PRKN: variants seen among roughly 807,000 people sequenced by gnomAD.
The protein encoded by PRKN is E3 ubiquitin-protein ligase parkin.
Under a neutral mutation model 59.5 loss-of-function variants are expected in PRKN, and 56 were observed. The observed-to-expected ratio is 0.94, with a 90% CI of 0.76 to 1.18. The LOEUF (loss-of-function observed/expected upper bound fraction) is 1.18. Ranked by LOEUF, PRKN falls within the 50% of genes most tolerant of loss-of-function variation. The probability of loss-of-function intolerance (pLI) is 0.00; values close to 1 mark genes in which losing one functional copy is unlikely to be tolerated. For synonymous variants in PRKN, 250 were observed against 222.1 expected (o/e 1.13, Z -1.12); for missense variants, 657 against 596.4 (o/e 1.10, Z -1.06).
At chr6:162,414,710 C>T (rs67567168) in intron 2 of PRKN, among the ~76,000 whole-genome samples, 2 of 101,966 alleles carry the variant, frequency 2.0e-5, no homozygotes, top group African/African-American at 7.4e-5. Context: ...GACTCCGTCT[C>T]AAAAAAAAAA....
chr6:162,047,047 C>T, intron 5 of PRKN, among the ~76,000 whole-genome samples: 1 of 152,150 alleles, frequency 6.6e-6, no homozygotes, highest in South Asian at 2.1e-4. Flanking sequence ...AATTGCATGT[C>T]AGACAACAGA....
intron 7 of PRKN, among the ~76,000 whole-genome samples, chr6:161,619,240 TAAAAAAAA>T (rs67512352): frequency 1.0e-5 from 1 of 99,554 alleles, no homozygotes. Flanking sequence ...CTGTCTTCAT[TAAAAAAAA>T]AAAAAAAAAA....
intron 1 of PRKN, among the ~76,000 whole-genome samples, chr6:162,634,029 C>T (rs1777617300): frequency 6.6e-6 from 1 of 152,094 alleles, no homozygotes; most frequent in South Asian, 2.1e-4. Flanking sequence ...CAAAACTAAC[C>T]AGCATTTTAC....
chr6:162,087,957 C>G (rs1018367207), intron 4 of PRKN, among the ~76,000 whole-genome samples: 1 of 152,146 alleles, frequency 6.6e-6, no homozygotes, highest in African/African-American at 2.4e-5. Flanking sequence ...GCTTCCTAAA[C>G]GCAGGAGCAC....
Position 161,357,048 on chromosome 6 carries a change from CT to C in PRKN, c.1285+3039del, listed in dbSNP as rs35219002. On this transcript the variant is annotated intron_variant, in intron 11 of 11. Transcript: ENST00000366898. The surrounding 1 kb of genome is among the most constrained non-coding windows in gnomAD (Gnocchi z 5.5). ...CAGGTCCAGGTTCGCTGACCACTTC[CT>C]TTTTTTTTTTTTTTTTTTTTGAGAC... Among the ~76,000 whole-genome samples the C allele has an allele frequency of 0.014, 1,640 of 115,538 alleles. 7 individuals are homozygous for C. The highest frequency in any genetic ancestry group is 0.036 in the African/African-American group (1,035 of 28,974). The allele number at this position is 115,538 out of a possible 152,430, so 75.8% of individuals were successfully genotyped here.
chr6:161,791,331 A>T (rs1248840524), intron 6 of PRKN, among the ~76,000 whole-genome samples: 1 of 152,272 alleles, frequency 6.6e-6, no homozygotes, highest in Admixed American at 6.5e-5. Flanking sequence ...ACATTAAAAA[A>T]GTAGAATATG....
At chr6:161,536,074 T>C (rs1404201545) in intron 9 of PRKN, among the ~76,000 whole-genome samples, 3 of 152,204 alleles carry the variant, frequency 2.0e-5, no homozygotes, top group Admixed American at 1.3e-4. Flanking sequence ...CTTCTTTTTT[T>C]TCCCCAATAT....
chr6:162,353,079 C>A (rs1784691015), intron 2 of PRKN, among the ~76,000 whole-genome samples: 1 of 152,150 alleles, frequency 6.6e-6, no homozygotes, highest in Non-Finnish European at 1.5e-5. Context: ...CCAATGTCCA[C>A]TGCAAATGTT....
At chr6:162,115,388 T>C (rs1780625233) in intron 4 of PRKN, among the ~76,000 whole-genome samples, 1 of 152,040 alleles carries the variant, frequency 6.6e-6, no homozygotes, top group East Asian at 1.9e-4. Flanking sequence ...GAAATATACC[T>C]AATGCTAGAT....
At chr6:162,268,480 C>T (rs751895842) in intron 2 of PRKN, among the ~76,000 whole-genome samples, 1 of 152,182 alleles carries the variant, frequency 6.6e-6, no homozygotes, top group African/African-American at 2.4e-5. Context: ...ATTGCCCAGT[C>T]TCAGGTATTT....
intron 2 of PRKN, among the ~76,000 whole-genome samples, chr6:162,339,340 G>C (rs1166462748): frequency 7.0e-6 from 1 of 142,556 alleles, no homozygotes; most frequent in African/African-American, 2.6e-5. Flanking sequence ...GGAGGGAGGT[G>C]GGGGGGTCAG....
rs1258528934 is a variant in PRKN at position 161,533,082 on chromosome 6, A to G, written c.1083+15772T>C. On this transcript the variant is annotated intron_variant, in intron 9 of 11. Transcript: ENST00000366898. This position sits in a 1 kb window ranked among gnomAD's most constrained non-coding sequence, Gnocchi z 4.1. ...GGTGAGTATAAATATTCTATAGTGT[A>G]CCATATTAGCTATTAAACATTATAC... is the stretch of plus-strand genomic sequence containing the variant. Among the ~76,000 whole-genome samples the G allele has an allele frequency of 1.3e-5, 2 of 152,250 alleles. 1 individual carries two copies. The highest frequency in any genetic ancestry group is 1.3e-4 in the Admixed American group (2 of 15,278).
chr6:162,384,896 C>T (rs2128142068), intron 2 of PRKN, among the ~76,000 whole-genome samples: 1 of 152,194 alleles, frequency 6.6e-6, no homozygotes, highest in African/African-American at 2.4e-5. Flanking sequence ...ATTACATTAG[C>T]TTCGAAGTCT....
rs1789734094 is a variant in PRKN at position 161,451,369 on chromosome 6, C to A, written c.1084-64492G>T. 6.6e-6 allele frequency among the ~76,000 whole-genome samples: 1 copy of A among 152,190 alleles called. No homozygotes were observed. The highest frequency in any genetic ancestry group is 1.5e-5 in the Non-Finnish European group (1 of 68,032). ...GCTCCCTCTTGATTTTGGGACCAAG[C>A]ATTGAATATAAAGTTAGGATGTGGC... is the stretch of plus-strand genomic sequence containing the variant. On this transcript the variant is annotated intron_variant, in intron 9 of 11. Transcript: ENST00000366898. This position sits in a 1 kb window ranked among gnomAD's most constrained non-coding sequence, Gnocchi z 5.9.
At chr6:162,371,295 C>T (rs57665111) in intron 2 of PRKN, among the ~76,000 whole-genome samples, 14,380 of 152,170 alleles carry the variant, frequency 0.094, 1,207 homozygotes, top group East Asian at 0.46. Flanking sequence ...GTAATAGGAA[C>T]TGTCTTCTTT....
At chr6:162,253,327 C>T (rs1033833100) in intron 3 of PRKN, among the ~76,000 whole-genome samples, 2 of 122,440 alleles carry the variant, frequency 1.6e-5, no homozygotes, top group Non-Finnish European at 3.3e-5. Flanking sequence ...TCTGTTTCTC[C>T]ATAATAAGCA....
chr6:161,348,694 C>T lies in PRKN; in HGVS notation c.*1405G>A. 2 of 210,332 alleles carry T rather than the reference C, an allele frequency of 9.5e-6. No homozygotes were observed. 13.0% of individuals were successfully genotyped at this position (210,332 alleles called of 1,614,324 possible). ...TGTTGCCGATTTAATAATTTACAGT[C>T]TCTAAATCCAAAAGGGCCTCCATGT... is the stretch of plus-strand genomic sequence containing the variant. On this transcript the variant is annotated 3_prime_UTR_variant, in exon 12 of 12. Transcript: ENST00000366898. The surrounding 1 kb of genome is among the most constrained non-coding windows in gnomAD (Gnocchi z 4.9).
At chr6:161,899,573 G>A (rs750734599) in intron 6 of PRKN, among the ~76,000 whole-genome samples, 9 of 152,106 alleles carry the variant, frequency 5.9e-5, no homozygotes, top group African/African-American at 1.2e-4. Flanking sequence ...CATTTGCTAC[G>A]GTAGCACATC....
At chr6:162,233,675 G>A (rs1013760140) in intron 3 of PRKN, among the ~76,000 whole-genome samples, 15 of 152,160 alleles carry the variant, frequency 9.9e-5, no homozygotes, top group Non-Finnish European at 1.6e-4. Context: ...AATACTGGAC[G>A]TGTCCGCCAG....
Sources: gnomAD v4.1 joint callset for allele counts (sites outside exome capture counted in the v4.1 genomes callset) on GRCh38, gnomAD v4.1.1 for gene constraint, Gnocchi (gnomAD v3.1) non-coding constraint, MANE v1.5 for transcripts, NCBI Gene and HGNC (gene_info 2026-07-23, HGNC 2026-07-21) for gene names.